ARHGAP24: variants seen among roughly 807,000 people sequenced by gnomAD.
The protein encoded by ARHGAP24 is rho GTPase-activating protein 24.
Under a neutral mutation model 76.4 loss-of-function variants are expected in ARHGAP24, and 50 were observed. The ratio of observed to expected loss-of-function variants is 0.65; its 90% CI spans 0.52 to 0.83. ARHGAP24 has a LOEUF of 0.83. Ranked by LOEUF, ARHGAP24 falls within the 40% of genes least tolerant of loss-of-function variation. ARHGAP24 has a pLI of 0.00. For synonymous variants in ARHGAP24, 345 were observed against 323.3 expected, an observed-to-expected ratio of 1.07 and a Z score of -0.72; for missense variants, 930 against 914.2, an observed-to-expected ratio of 1.02 and a Z score of -0.22.
intron 3 of ARHGAP24, among the ~76,000 whole-genome samples, chr4:85,774,221 G>C (rs1727229188): frequency 6.6e-6 from 1 of 152,154 alleles, no homozygotes; most frequent in African/African-American, 2.4e-5. Context: ...CAGAGAGGCT[G>C]ACTCACTAGA....
intron 3 of ARHGAP24, among the ~76,000 whole-genome samples, chr4:85,836,708 A>C (rs543337895): frequency 1.3e-5 from 2 of 152,206 alleles, no homozygotes; most frequent in Non-Finnish European, 2.9e-5. Flanking sequence ...AAGAAATAAT[A>C]GTAATGGGAG....
At chr4:85,494,955 G>A (rs375709117) in intron 1 of ARHGAP24, among the ~76,000 whole-genome samples, 178 of 151,930 alleles carry the variant, frequency 1.2e-3, no homozygotes, top group Middle Eastern at 0.01. Flanking sequence ...GAAATTAGCT[G>A]GGCGGGGTGG....
At chr4:85,792,270 T>C (rs1728164764) in intron 3 of ARHGAP24, among the ~76,000 whole-genome samples, 1 of 152,018 alleles carries the variant, frequency 6.6e-6, no homozygotes, top group Admixed American at 6.5e-5. Context: ...TAAAACATGA[T>C]TGTCAGGATT....
chr4:85,646,944 A>G (rs944406693), intron 2 of ARHGAP24, among the ~76,000 whole-genome samples: 4 of 152,140 alleles, frequency 2.6e-5, no homozygotes, highest in Non-Finnish European at 4.4e-5. Context: ...ACTCTGCCAT[A>G]TACATATTCA....
intron 3 of ARHGAP24, among the ~76,000 whole-genome samples, chr4:85,781,652 C>T (rs1320283979): frequency 6.6e-6 from 1 of 151,710 alleles, no homozygotes; most frequent in Non-Finnish European, 1.5e-5. Context: ...ATATGACAAA[C>T]TTTTCTGTTT....
intron 4 of ARHGAP24, among the ~76,000 whole-genome samples, 194 bp downstream of exon 4, chr4:85,923,964 A>G (rs1735878660): frequency 6.6e-6 from 1 of 152,222 alleles, no homozygotes; most frequent in Admixed American, 6.5e-5. Context: ...ATGTATAATT[A>G]TAACGAACCT....
chr4:85,984,232 A>G (rs1374688804), intron 8 of ARHGAP24, among the ~76,000 whole-genome samples: 1 of 152,204 alleles, frequency 6.6e-6, no homozygotes, highest in Non-Finnish European at 1.5e-5. Context: ...AAAGAAATAT[A>G]GATTGGTAAG....
intron 5 of ARHGAP24, among the ~76,000 whole-genome samples, chr4:85,971,304 A>G (rs776431974): frequency 1.3e-5 from 2 of 152,220 alleles, no homozygotes; most frequent in Non-Finnish European, 2.9e-5. Flanking sequence ...TTGAATACAC[A>G]CATATACCCA....
intron 2 of ARHGAP24, among the ~76,000 whole-genome samples, chr4:85,714,431 A>C (rs1180909054): frequency 6.6e-6 from 1 of 152,084 alleles, no homozygotes; most frequent in Non-Finnish European, 1.5e-5. Context: ...AATGCTTCTC[A>C]AGTGTAGATC....
In ARHGAP24 at chr4:85,942,172, G is replaced by A; in HGVS notation, c.498G>A (p.Arg166=). 1.9e-6 allele frequency: 3 copies of A among 1,614,054 alleles called. No individual in the cohort carries two copies. The highest frequency in any genetic ancestry group is 2.5e-6 in the Non-Finnish European group (3 of 1,180,006). The change falls in exon 5 of 10, where the codon AGG becomes AGA. Residue 166 remains arginine, a synonymous_variant. Transcript: ENST00000395184. ...VEQCVDFIRQ[R]GLKEEGLFRL... The stretch of plus-strand genomic sequence containing the variant: ...AGTGCGTGGACTTTATCCGACAAAG[G>A]GGGCTGAAAGAAGAGGGTCTCTTTC...
At chr4:85,660,834 G>C (rs1722356734) in intron 2 of ARHGAP24, among the ~76,000 whole-genome samples, 1 of 140,072 alleles carries the variant, frequency 7.1e-6, no homozygotes, top group East Asian at 2.0e-4. Context: ...GATGGGGATT[G>C]TTTAGAGAGC....
intron 3 of ARHGAP24, among the ~76,000 whole-genome samples, chr4:85,921,875 T>C (rs1416202979): frequency 6.6e-6 from 1 of 152,094 alleles, no homozygotes; most frequent in Non-Finnish European, 1.5e-5. Flanking sequence ...TAACGCCTGA[T>C]GATCTAAGGT....
intron 3 of ARHGAP24, among the ~76,000 whole-genome samples, chr4:85,887,339 T>TA (rs551419525): frequency 1.7e-4 from 26 of 152,152 alleles, no homozygotes; most frequent in Non-Finnish European, 2.2e-4. Flanking sequence ...CATCCAAGGT[T>TA]AATTAATTAT....
At chr4:85,513,669 G>A (rs1054072266) in intron 1 of ARHGAP24, among the ~76,000 whole-genome samples, 1 of 152,168 alleles carries the variant, frequency 6.6e-6, no homozygotes, top group African/African-American at 2.4e-5. Context: ...CAGGAGAAAT[G>A]TATTGGCTCA....
chr4:85,986,809 A>G (rs1465576548), intron 8 of ARHGAP24, among the ~76,000 whole-genome samples: 2 of 152,152 alleles, frequency 1.3e-5, no homozygotes, highest in Admixed American at 6.5e-5. Context: ...CTTTCCCACA[A>G]AAAGAGTGCA....
At chr4:85,911,790 G>T (rs1961436) in intron 3 of ARHGAP24, among the ~76,000 whole-genome samples, 45,461 of 151,968 alleles carry the variant, frequency 0.3, 6,933 homozygotes, top group South Asian at 0.43. Flanking sequence ...AATGATTATT[G>T]GGAGTCACAG....
chr4:85,653,416 G>T (rs1363849605), intron 2 of ARHGAP24, among the ~76,000 whole-genome samples: 3 of 152,094 alleles, frequency 2.0e-5, no homozygotes, highest in African/African-American at 7.2e-5. Context: ...AGATGCTCTA[G>T]ATTTGCACTG....
intron 3 of ARHGAP24, among the ~76,000 whole-genome samples, chr4:85,865,480 A>G (rs1732142945): frequency 6.8e-6 from 1 of 147,520 alleles, no homozygotes; most frequent in Non-Finnish European, 1.5e-5. Flanking sequence ...TTAGTAGTAT[A>G]AACAAATAAT....
intron 7 of ARHGAP24, among the ~76,000 whole-genome samples, chr4:85,976,571 G>A (rs978960537): frequency 3.3e-5 from 5 of 152,038 alleles, no homozygotes; most frequent in African/African-American, 1.2e-4. Flanking sequence ...TATCTCATCA[G>A]TACAATTAGC....
Sources: gnomAD v4.1 joint callset for allele counts (sites outside exome capture counted in the v4.1 genomes callset) on GRCh38, gnomAD v4.1.1 for gene constraint, MANE v1.5 for transcripts, NCBI Gene and HGNC (gene_info 2026-07-23, HGNC 2026-07-21) for gene names.